The following SRBD1 variants were observed in gnomAD, a reference collection of about 807,000 sequenced individuals.
SRBD1 encodes S1 RNA-binding domain-containing protein 1.
Under a neutral mutation model 115.3 loss-of-function variants are expected in SRBD1, and 88 were observed. The observed-to-expected ratio is 0.76, with a 90% CI of 0.64 to 0.91. The LOEUF is 0.91. Ranked by LOEUF, SRBD1 falls within the 40% of genes least tolerant of loss-of-function variation. The pLI is 0.00. For missense variants in SRBD1, 1,385 were observed against 1,177.4 expected, an observed-to-expected ratio of 1.18 and a Z score of -2.58; for synonymous variants, 509 against 407.7, an observed-to-expected ratio of 1.25 and a Z score of -2.99.
chr2:45,465,000 TAC>T (rs58288876), intron 16 of SRBD1, among the ~76,000 whole-genome samples: 13,631 of 120,066 alleles, frequency 0.11, 682 homozygotes, highest in Middle Eastern at 0.19. Flanking sequence ...GTTGAGATTG[TAC>T]ACACACACAC....
intron 18 of SRBD1, among the ~76,000 whole-genome samples, chr2:45,414,638 T>TATGCACATACACACATA (rs1667722381): frequency 1.5e-5 from 1 of 67,468 alleles, no homozygotes; most frequent in Non-Finnish European, 4.7e-5. Flanking sequence ...GTGTATATAG[T>TATGCACATACACACATA]GTGTATATAG....
At chr2:45,516,686 G>A (rs1671128602) in intron 14 of SRBD1, among the ~76,000 whole-genome samples, 1 of 152,178 alleles carries the variant, frequency 6.6e-6, no homozygotes, top group South Asian at 2.1e-4. Flanking sequence ...TAATTTGTAA[G>A]TGTAGAGGTA....
At chr2:45,552,960 A>G (rs7592031) in intron 11 of SRBD1, among the ~76,000 whole-genome samples, 58,301 of 151,960 alleles carry the variant, frequency 0.38, 11,934 homozygotes, top group Non-Finnish European at 0.46. Context: ...CCCTTGCTGA[A>G]ACCTACAAAG....
intron 15 of SRBD1, among the ~76,000 whole-genome samples, chr2:45,483,777 T>C (rs1670034932): frequency 6.6e-6 from 1 of 152,068 alleles, no homozygotes; most frequent in Non-Finnish European, 1.5e-5. Flanking sequence ...AACTCTAAAT[T>C]AGAATTTTTT....
chr2:45,449,909 T>TC, intron 16 of SRBD1, among the ~76,000 whole-genome samples: 1 of 152,276 alleles, frequency 6.6e-6, no homozygotes, highest in South Asian at 2.1e-4. Flanking sequence ...GATCAGGGCT[T>TC]CATAAGGGTG....
At chr2:45,562,080 CCA>C (rs1471715745) in intron 10 of SRBD1, among the ~76,000 whole-genome samples, 1 of 152,142 alleles carries the variant, frequency 6.6e-6, no homozygotes, top group Non-Finnish European at 1.5e-5. Context: ...CAGTTCTTCT[CCA>C]CAGAGATAAT....
In SRBD1 at chr2:45,425,692, A is replaced by T. The variant is rs549427562; in HGVS notation, c.2050-5798T>A. ...AAGCAGAAGCAGGGTGGAAAGCGCA[A>T]GGAGTCAGGGAACTCACTCAGAAAG... On this transcript the variant is annotated intron_variant, in intron 16 of 20. Coordinates refer to ENST00000263736, the MANE Select transcript of SRBD1 (RefSeq NM_018079.5). Among the ~76,000 whole-genome samples, 5 of 152,118 alleles carry T rather than the reference A, an allele frequency of 3.3e-5. No homozygotes were observed. The East Asian group carries it at 7.9e-4, about 24-fold the overall frequency.
At chr2:45,534,547 G>T (rs1671709608) in intron 14 of SRBD1, among the ~76,000 whole-genome samples, 1 of 151,984 alleles carries the variant, frequency 6.6e-6, no homozygotes, top group African/African-American at 2.4e-5. Context: ...CTGGATATTA[G>T]TTTTAATATC....
chr2:45,511,783 CCA>C (rs1670979092), intron 14 of SRBD1, among the ~76,000 whole-genome samples: 1 of 152,158 alleles, frequency 6.6e-6, no homozygotes, highest in Non-Finnish European at 1.5e-5. Context: ...GTCTCCATTC[CCA>C]GATACCAAGC....
chr2:45,604,089 T>C (rs1007001559), intron 2 of SRBD1, among the ~76,000 whole-genome samples: 4 of 152,020 alleles, frequency 2.6e-5, no homozygotes, highest in Non-Finnish European at 1.5e-5. Flanking sequence ...TTAGACCATT[T>C]CTCATCACTT....
intron 16 of SRBD1, among the ~76,000 whole-genome samples, chr2:45,473,651 AT>A (rs1339476459): frequency 6.6e-6 from 1 of 152,170 alleles, no homozygotes; most frequent in Non-Finnish European, 1.5e-5. Context: ...TCTATCATTT[AT>A]TTTTTATCAA....
At chr2:45,431,753 G>A (rs543117353) in intron 16 of SRBD1, among the ~76,000 whole-genome samples, 1 of 152,130 alleles carries the variant, frequency 6.6e-6, no homozygotes, top group South Asian at 2.1e-4. Context: ...TGCTGTACAT[G>A]TATCCCAGAA....
rs887474254 is a variant in SRBD1, at chr2:45,416,082, G to A, written c.2333+2283C>T. 5.3e-5 allele frequency among the ~76,000 whole-genome samples: 8 copies of A among 151,982 alleles called. No individual in the cohort carries two copies. In the South Asian group the frequency reaches 8.3e-4, roughly 16 times the overall value. On this transcript the variant is annotated intron_variant, in intron 18 of 20. Transcript: ENST00000263736. The stretch of plus-strand genomic sequence containing the variant: ...TTAACTGATAAATCTAATAAATAGC[G>A]TAAAAGGAAAAGAAGAATCAGAAAG...
At chr2:45,580,674 T>TCC (rs1159754206) in intron 6 of SRBD1, among the ~76,000 whole-genome samples, 11 of 135,394 alleles carry the variant, frequency 8.1e-5, no homozygotes, top group African/African-American at 2.6e-4. Flanking sequence ...ATTCTTCTAC[T>TCC]TCTTTTTTTT....
intron 14 of SRBD1, among the ~76,000 whole-genome samples, chr2:45,506,433 T>C (rs536240138): frequency 2.1e-4 from 32 of 152,322 alleles, no homozygotes; most frequent in African/African-American, 6.7e-4. Flanking sequence ...GAAAGGCCTT[T>C]GGAAGTATCT....
intron 15 of SRBD1, among the ~76,000 whole-genome samples, chr2:45,483,443 C>T (rs540245897): frequency 9.1e-6 from 1 of 109,748 alleles, no homozygotes; most frequent in Non-Finnish European, 2.4e-5. Context: ...TGCATGACCA[C>T]ATGCAGTAGC....
intron 19 of SRBD1, among the ~76,000 whole-genome samples, chr2:45,407,356 C>A (rs1198687582): frequency 2.0e-5 from 3 of 152,122 alleles, no homozygotes; most frequent in African/African-American, 7.2e-5. Flanking sequence ...AAAACCTACC[C>A]TAAATGTAAC....
At chr2:45,443,308 T>C (rs998781200) in intron 16 of SRBD1, among the ~76,000 whole-genome samples, 2 of 152,096 alleles carry the variant, frequency 1.3e-5, no homozygotes, top group African/African-American at 4.8e-5. Context: ...TAGAGAATGA[T>C]GAAGCAAAAG....
At chr2:45,570,316 G>A (rs1672967955) in intron 9 of SRBD1, among the ~76,000 whole-genome samples, 1 of 152,220 alleles carries the variant, frequency 6.6e-6, no homozygotes, top group South Asian at 2.1e-4. Flanking sequence ...AGAGTAGGGA[G>A]AGTGGGGTCA....
Sources: allele counts gnomAD v4.1 joint callset (sites outside exome capture counted in the v4.1 genomes callset), GRCh38; gene constraint gnomAD v4.1.1; transcripts MANE v1.5; gene names NCBI Gene and HGNC (gene_info 2026-07-23, HGNC 2026-07-21).